The following VANGL2 variants were observed in gnomAD, a reference collection of about 807,000 sequenced individuals.
The protein encoded by VANGL2 is vang-like protein 2.
VANGL2 carries 14 observed loss-of-function variants against 50.2 expected under a neutral mutation model. That is an observed-to-expected ratio of 0.28 (90% CI 0.18 to 0.44). The LOEUF is 0.44. Among genes scored for constraint, VANGL2 ranks in the 20% least tolerant of loss-of-function variants. The probability of loss-of-function intolerance (pLI) is 1.00; values close to 1 mark genes in which losing one functional copy is unlikely to be tolerated. For missense variants in VANGL2, 533 were observed against 701.5 expected (o/e 0.76, Z 2.71); for synonymous variants, 295 against 297.2 (o/e 0.99, Z 0.08).
At chr1:160,422,123 C>T (rs899632114) in intron 6 of VANGL2, among the ~76,000 whole-genome samples, 3 of 152,214 alleles carry the variant, frequency 2.0e-5, no homozygotes, top group Admixed American at 6.5e-5. Context: ...CCATCTCCCA[C>T]ATGAACTCCA....
chr1:160,423,074 T>G (rs1433612186), intron 6 of VANGL2, among the ~76,000 whole-genome samples: 1 of 152,062 alleles, frequency 6.6e-6, no homozygotes, highest in Non-Finnish European at 1.5e-5. Flanking sequence ...CCCAGCTAAT[T>G]TTTGTATTTT....
chr1:160,405,230 C>A (rs958523389), intron 1 of VANGL2, among the ~76,000 whole-genome samples: 3 of 152,106 alleles, frequency 2.0e-5, no homozygotes, highest in Non-Finnish European at 4.4e-5. Flanking sequence ...AGGTGGGTAA[C>A]CCTGTGCATG....
chr1:160,415,763 G>A lies in VANGL2; in HGVS notation c.-75G>A, dbSNP rs1351100930. On this transcript the variant is annotated 5_prime_UTR_variant, in exon 2 of 8. Transcript: ENST00000368061. ...TGGCCTAAAGAAGCCGGTGCTGAAG[G>A]AGGTGGCTGTGGGGCCCCCCAAGAG... The A allele has an allele frequency of 5.2e-6, 8 of 1,537,012 alleles. No homozygotes were observed. Among genetic ancestry groups the A allele is most frequent in the Non-Finnish European group, 7.1e-6 (8 of 1,127,732 alleles).
intron 6 of VANGL2, 113 bp downstream of exon 6, chr1:160,421,300 G>C: frequency 7.1e-7 from 1 of 1,413,586 alleles, no homozygotes; most frequent in Non-Finnish European, 9.7e-7. Context: ...ACATGAGTTG[G>C]GGGTGTGTGC....
chr1:160,401,605 G>A (rs1650466661), intron 1 of VANGL2, among the ~76,000 whole-genome samples: 1 of 152,002 alleles, frequency 6.6e-6, no homozygotes. Context: ...CCTGCAGGTG[G>A]GCCCCTGGTT....
chr1:160,425,548 C>G lies in VANGL2; in HGVS notation c.*170C>G. ...TCTCCTCGCTTCTTCCTTATTTTACCCCATGTGAACCTGGAGAGACCATCC... is the reference window on the plus strand; with the variant it reads ...TCTCCTCGCTTCTTCCTTATTTTACGCCATGTGAACCTGGAGAGACCATCC... On this transcript the variant is annotated 3_prime_UTR_variant, in exon 8 of 8. Transcript: ENST00000368061. 3 of 693,432 alleles carry G rather than the reference C, an allele frequency of 4.3e-6. No individual in the cohort carries two copies. The highest frequency in any genetic ancestry group is 7.1e-6 in the Non-Finnish European group (3 of 425,166). 43.0% of individuals were successfully genotyped at this position (693,432 alleles called of 1,614,324 possible). A position where few individuals can be genotyped will look rare whatever the true frequency, so the allele number is the denominator to read the frequency against.
Position 160,401,308 on chromosome 1 carries a change from G to A in VANGL2, c.-191+439G>A, listed in dbSNP as rs1213241713. On this transcript the variant is annotated intron_variant, in intron 1 of 7. Transcript: ENST00000368061. ...TTTGGGGTGCATACACCCCTCAGGA[G>A]CGTGGGGAGGGACGGAGGCAGGTAT... Among the ~76,000 whole-genome samples the A allele has an allele frequency of 2.0e-5, 3 of 152,082 alleles. No individual in the cohort carries two copies. The East Asian group carries it at 5.8e-4, about 29-fold the overall frequency.
chr1:160,403,164 G>A (rs528027790), intron 1 of VANGL2, among the ~76,000 whole-genome samples: 150 of 150,708 alleles, frequency 1.0e-3, no homozygotes, highest in Non-Finnish European at 1.4e-3. Flanking sequence ...TTTTTTTAAT[G>A]GATCATTCCC....
At chr1:160,415,602 C>G in intron 1 of VANGL2, 46 bp from the exon 2 acceptor site, 1 of 570,808 alleles carries the variant, frequency 1.8e-6, no homozygotes. Flanking sequence ...GCCCTGACCC[C>G]ACAGGGAGCT....
chr1:160,418,364 A>G (rs1651134615), intron 3 of VANGL2, among the ~76,000 whole-genome samples: 1 of 152,098 alleles, frequency 6.6e-6, no homozygotes, highest in South Asian at 2.1e-4. Flanking sequence ...TGGTCCACAG[A>G]TCACATTTTA....
intron 7 of VANGL2, 37 bp downstream of exon 7, chr1:160,424,320 C>T: frequency 1.9e-6 from 3 of 1,588,860 alleles, no homozygotes; most frequent in Non-Finnish European, 2.6e-6. Flanking sequence ...TTCCTCCTTC[C>T]CCAGCTCCTC....
intron 1 of VANGL2, among the ~76,000 whole-genome samples, chr1:160,410,546 C>T (rs533127024): frequency 1.3e-5 from 2 of 152,214 alleles, no homozygotes; most frequent in South Asian, 2.1e-4. Flanking sequence ...GCCCCCAGCA[C>T]GCGCCACACA....
intron 7 of VANGL2, 25 bp downstream of exon 7, chr1:160,424,308 C>G (rs745494522): frequency 6.2e-5 from 100 of 1,603,056 alleles, no homozygotes; most frequent in Non-Finnish European, 8.4e-5. Flanking sequence ...CTGCCAGCAT[C>G]CTTCCTCCTT....
chr1:160,411,778 C>G (rs1051398029), intron 1 of VANGL2, among the ~76,000 whole-genome samples: 20 of 152,120 alleles, frequency 1.3e-4, no homozygotes, highest in Admixed American at 6.5e-4. Flanking sequence ...GACTGGTACC[C>G]TTGTCTGGTT....
chr1:160,422,012 T>C (rs1396268744), intron 6 of VANGL2, among the ~76,000 whole-genome samples: 1 of 152,228 alleles, frequency 6.6e-6, no homozygotes, highest in African/African-American at 2.4e-5. Flanking sequence ...TGAAGAATCT[T>C]ACTTGGTGCC....
chr1:160,410,158 A>G (rs372279538), intron 1 of VANGL2, among the ~76,000 whole-genome samples: 1 of 152,114 alleles, frequency 6.6e-6, no homozygotes. Context: ...AAATGGTCCT[A>G]TCAGAGATCT....
chr1:160,425,433 G>T lies in VANGL2; in HGVS notation c.*55G>T. On this transcript the variant is annotated 3_prime_UTR_variant, in exon 8 of 8. Transcript: ENST00000368061. ...CTGGGGGGTCCTGAGGGGGTGGGAG[G>T]GGGCTTGGTTCTCAGGCCCAGCCAC... The T allele has an allele frequency of 9.5e-7, 1 of 1,054,894 alleles. No homozygotes were observed. Among genetic ancestry groups the T allele is most frequent in the Non-Finnish European group, 1.3e-6 (1 of 760,406 alleles). The allele number at this position is 1,054,894 out of a possible 1,614,324, so 65.3% of individuals were successfully genotyped here. A position where few individuals can be genotyped will look rare whatever the true frequency, so the allele number is the denominator to read the frequency against.
rs1651468776 is a variant in VANGL2, at chr1:160,426,715, C to T, written c.*1337C>T. ...TCAATATAAATCTGAGCCTTTGACT[C>T]AGACATTTTTGCCAAGGAGAGTAGA... On this transcript the variant is annotated 3_prime_UTR_variant, in exon 8 of 8. Coordinates refer to ENST00000368061, the MANE Select transcript of VANGL2 (RefSeq NM_020335.3). 1 of 152,538 alleles carries T rather than the reference C, an allele frequency of 6.6e-6. No homozygotes were observed. Among genetic ancestry groups the T allele is most frequent in the Non-Finnish European group, 1.5e-5 (1 of 68,040 alleles). The allele number at this position is 152,538 out of a possible 1,614,324, so 9.4% of individuals were successfully genotyped here. A position where few individuals can be genotyped will look rare whatever the true frequency, so the allele number is the denominator to read the frequency against.
chr1:160,414,510 T>A (rs1447076117), intron 1 of VANGL2, among the ~76,000 whole-genome samples: 1 of 152,202 alleles, frequency 6.6e-6, no homozygotes, highest in East Asian at 1.9e-4. Flanking sequence ...TAGCCCTTAC[T>A]CCATGGGTGT....
Sources: allele counts gnomAD v4.1 joint callset (sites outside exome capture counted in the v4.1 genomes callset), GRCh38; gene constraint gnomAD v4.1.1; transcripts MANE v1.5; gene names NCBI Gene and HGNC (gene_info 2026-07-23, HGNC 2026-07-21).